The following DTWD2 variants were observed in gnomAD, a reference collection of about 807,000 sequenced individuals.
DTWD2 encodes the protein tRNA-uridine aminocarboxypropyltransferase 2.
Under a neutral mutation model 31.8 loss-of-function variants are expected in DTWD2, and 39 were observed. The ratio of observed to expected loss-of-function variants is 1.22; its 90% CI spans 0.95 to 1.60. The LOEUF (loss-of-function observed/expected upper bound fraction) is 1.60, where lower values mean the gene tolerates loss of function less well. DTWD2 is among the 40% of genes most tolerant of loss of function. The probability of loss-of-function intolerance (pLI) is 0.00; values close to 1 mark genes in which losing one functional copy is unlikely to be tolerated. For missense variants in DTWD2, 515 were observed against 381.5 expected (o/e 1.35, Z -2.92); for synonymous variants, 180 against 142.8 (o/e 1.26, Z -1.86).
At chr5:118,913,657 CT>C (rs1431708298) in intron 4 of DTWD2, among the ~76,000 whole-genome samples, 1 of 151,798 alleles carries the variant, frequency 6.6e-6, no homozygotes, top group East Asian at 1.9e-4. Context: ...AAAACACAGT[CT>C]AGCTAACTAA....
At chr5:118,923,555 G>C (rs766089386) in intron 4 of DTWD2, among the ~76,000 whole-genome samples, 5 of 152,218 alleles carry the variant, frequency 3.3e-5, no homozygotes, top group Non-Finnish European at 7.3e-5. Flanking sequence ...CCTAACGGAA[G>C]AATCTTGGGA....
intron 1 of DTWD2, among the ~76,000 whole-genome samples, chr5:118,956,168 A>C (rs866693905): frequency 6.6e-5 from 10 of 152,340 alleles, no homozygotes; most frequent in South Asian, 2.1e-4. Flanking sequence ...TCTGGCTATT[A>C]TTTTGAGCTA....
intron 3 of DTWD2, among the ~76,000 whole-genome samples, chr5:118,932,911 A>C (rs758389938): frequency 3.9e-5 from 6 of 152,156 alleles, no homozygotes; most frequent in Non-Finnish European, 8.8e-5. Context: ...GATCAATTAA[A>C]TTGATAAAAC....
At chr5:118,921,099 A>G (rs1331275227) in intron 4 of DTWD2, among the ~76,000 whole-genome samples, 1 of 152,154 alleles carries the variant, frequency 6.6e-6, no homozygotes, top group African/African-American at 2.4e-5. Flanking sequence ...ATGTTCCTTC[A>G]AGTTAACTCA....
At chr5:118,971,816 T>C (rs1754994567) in intron 1 of DTWD2, among the ~76,000 whole-genome samples, 1 of 152,222 alleles carries the variant, frequency 6.6e-6, no homozygotes, top group African/African-American at 2.4e-5. Flanking sequence ...AACTGAAGGT[T>C]AAGAAACTCA....
chr5:118,890,768 G>A (rs968712416), intron 4 of DTWD2, among the ~76,000 whole-genome samples: 2 of 151,694 alleles, frequency 1.3e-5, no homozygotes, highest in Non-Finnish European at 1.5e-5. Flanking sequence ...ACGGGGTTTC[G>A]CCATGTTGGC....
chr5:118,972,007 C>T (rs1405269273), intron 1 of DTWD2, among the ~76,000 whole-genome samples: 2 of 152,180 alleles, frequency 1.3e-5, no homozygotes, highest in Non-Finnish European at 2.9e-5. Flanking sequence ...TAAATGCCCA[C>T]ATCAAAAAGC....
At chr5:118,974,089 C>G (rs532139791) in intron 1 of DTWD2, 3 of 1,599,452 alleles carry the variant, frequency 1.9e-6, no homozygotes, top group African/African-American at 2.7e-5. Context: ...ATGACGATGT[C>G]GATACCAAGA....
intron 4 of DTWD2, among the ~76,000 whole-genome samples, chr5:118,924,889 G>C (rs575341910): frequency 6.6e-6 from 1 of 152,064 alleles, no homozygotes; most frequent in Non-Finnish European, 1.5e-5. Flanking sequence ...TGTTATCTAA[G>C]ATGCCAATAC....
intron 4 of DTWD2, among the ~76,000 whole-genome samples, chr5:118,868,253 A>G (rs1752423293): frequency 6.6e-6 from 1 of 152,136 alleles, no homozygotes; most frequent in Non-Finnish European, 1.5e-5. Flanking sequence ...ACCATACACA[A>G]AAAATTCACT....
At chr5:118,851,961 G>A (rs1174748832) in intron 4 of DTWD2, among the ~76,000 whole-genome samples, 2 of 152,032 alleles carry the variant, frequency 1.3e-5, no homozygotes, top group Non-Finnish European at 2.9e-5. Flanking sequence ...AGGAGACCAG[G>A]GCATATCTCA....
At chr5:118,896,791 G>C (rs1018144766) in intron 4 of DTWD2, among the ~76,000 whole-genome samples, 2 of 152,168 alleles carry the variant, frequency 1.3e-5, no homozygotes, top group African/African-American at 4.8e-5. Flanking sequence ...TGGCATTTCA[G>C]GGCTCTAATA....
intron 4 of DTWD2, among the ~76,000 whole-genome samples, chr5:118,860,796 T>C (rs1752242786): frequency 2.0e-5 from 3 of 152,202 alleles, no homozygotes; most frequent in Non-Finnish European, 2.9e-5. Flanking sequence ...TAAGGGCTCA[T>C]TTAAACTTAT....
rs116067502 is a variant in DTWD2 at position 118,940,356 on chromosome 5, T to C, written c.310-1066A>G. On this transcript the variant is annotated intron_variant, in intron 2 of 5. Coordinates refer to ENST00000510708, the MANE Select transcript of DTWD2 (RefSeq NM_173666.4). ...CCATGAGACTGTGACACAAACTTAA[T>C]CAGTTTCTAAACCTTTATCAAAGTA... Among the ~76,000 whole-genome samples, 536 of 152,336 alleles carry C rather than the reference T, an allele frequency of 3.5e-3. 4 individuals carry two copies. Among genetic ancestry groups the C allele is most frequent in the African/African-American group, 0.012 (501 of 41,578 alleles).
At chr5:118,961,697 T>C (rs1698103473) in intron 1 of DTWD2, among the ~76,000 whole-genome samples, 1 of 152,212 alleles carries the variant, frequency 6.6e-6, no homozygotes, top group African/African-American at 2.4e-5. Flanking sequence ...ATTTTGCTTA[T>C]TCTCTCATCT....
chr5:118,933,878 CTAAATAAA>C (rs202062539), intron 3 of DTWD2, among the ~76,000 whole-genome samples: 3,793 of 145,374 alleles, frequency 0.026, 68 homozygotes, highest in African/African-American at 0.044. Context: ...GGGAACTGAC[CTAAATAAA>C]TAAATAAATA....
chr5:118,889,392 C>T (rs1752932238), intron 4 of DTWD2, among the ~76,000 whole-genome samples: 1 of 152,058 alleles, frequency 6.6e-6, no homozygotes, highest in South Asian at 2.1e-4. Context: ...AAATTACATT[C>T]AGACATGAAA....
At chr5:118,983,492 T>A in intron 1 of DTWD2, among the ~76,000 whole-genome samples, 1 of 151,902 alleles carries the variant, frequency 6.6e-6, no homozygotes, top group Admixed American at 6.6e-5. Flanking sequence ...TCTTCCCTTC[T>A]CTCTCTCCTT....
At chr5:118,914,269 T>C (rs1753524999) in intron 4 of DTWD2, among the ~76,000 whole-genome samples, 1 of 152,198 alleles carries the variant, frequency 6.6e-6, no homozygotes, top group Non-Finnish European at 1.5e-5. Flanking sequence ...TTAAAAAGGC[T>C]CTAGGAGTGC....
Sources: allele counts gnomAD v4.1 joint callset (sites outside exome capture counted in the v4.1 genomes callset), GRCh38; gene constraint gnomAD v4.1.1; transcripts MANE v1.5; gene names NCBI Gene and HGNC (gene_info 2026-07-23, HGNC 2026-07-21).